Variants in SLC39A14 observed in about 807,000 individuals in gnomAD.
SLC39A14 encodes the protein solute carrier family 39 member 14.
In SLC39A14, 19 loss-of-function variants were observed where a neutral mutation model predicts 45.5. The ratio of observed to expected loss-of-function variants is 0.42; its 90% CI spans 0.29 to 0.61. The LOEUF (loss-of-function observed/expected upper bound fraction) is 0.61, where lower values mean the gene tolerates loss of function less well. Ranked by LOEUF, SLC39A14 falls within the 20% of genes least tolerant of loss-of-function variation. The pLI, the probability that SLC39A14 is intolerant of heterozygous loss-of-function variation, is 0.22. For synonymous variants in SLC39A14, 264 were observed against 251.3 expected, an observed-to-expected ratio of 1.05 and a Z score of -0.48; for missense variants, 447 against 616.5, an observed-to-expected ratio of 0.73 and a Z score of 2.91.
At chr8:22,403,230 C>T (rs377181580) in intron 1 of SLC39A14, among the ~76,000 whole-genome samples, 10 of 152,096 alleles carry the variant, frequency 6.6e-5, no homozygotes, top group African/African-American at 2.4e-4. Context: ...CCTGCCTTGG[C>T]CTCCCAAAGT....
chr8:22,430,628 C>G (rs1418791897), intron 8 of SLC39A14, among the ~76,000 whole-genome samples: 3 of 152,194 alleles, frequency 2.0e-5, no homozygotes, highest in African/African-American at 7.2e-5. Context: ...ATGCAAACAA[C>G]AACAGTCACA....
intron 3 of SLC39A14, among the ~76,000 whole-genome samples, chr8:22,409,280 G>A (rs528298306): frequency 1.3e-5 from 2 of 152,322 alleles, no homozygotes; most frequent in South Asian, 2.1e-4. Flanking sequence ...CCATAGGGCC[G>A]GCGTGTGCTG....
chr8:22,432,796 C>T (rs7831786), intron 8 of SLC39A14, among the ~76,000 whole-genome samples: 44,018 of 143,710 alleles, frequency 0.31, 7,302 homozygotes, highest in East Asian at 0.49. Context: ...TACAGGCACC[C>T]GCCACAACAC....
intron 1 of SLC39A14, among the ~76,000 whole-genome samples, chr8:22,391,581 T>C (rs112047234): frequency 0.03 from 4,561 of 152,030 alleles, 215 homozygotes; most frequent in African/African-American, 0.1. Context: ...TTTTTTTTTT[T>C]TCTTTTGAGA....
At chr8:22,406,503 C>T (rs1835221403) in intron 2 of SLC39A14, among the ~76,000 whole-genome samples, 1 of 152,080 alleles carries the variant, frequency 6.6e-6, no homozygotes, top group South Asian at 2.1e-4. Flanking sequence ...ACCATCCTGG[C>T]TAACACGGTG....
chr8:22,372,074 T>C (rs1832971064), intron 1 of SLC39A14, among the ~76,000 whole-genome samples: 1 of 152,148 alleles, frequency 6.6e-6, no homozygotes, highest in African/African-American at 2.4e-5. Context: ...CATGTATGTA[T>C]TTTTATTCAC....
intron 4 of SLC39A14, among the ~76,000 whole-genome samples, chr8:22,413,536 G>A (rs576552736): frequency 1.4e-4 from 22 of 152,118 alleles, no homozygotes; most frequent in Non-Finnish European, 2.6e-4. Context: ...CAACATGAAA[G>A]TGTTGTTTCC....
intron 1 of SLC39A14, among the ~76,000 whole-genome samples, chr8:22,386,731 C>T (rs940668796): frequency 6.6e-6 from 1 of 152,230 alleles, no homozygotes; most frequent in African/African-American, 2.4e-5. Flanking sequence ...AACATTTCCT[C>T]CATTCAAATT....
chr8:22,407,997 G>A (rs571138244), intron 2 of SLC39A14, among the ~76,000 whole-genome samples: 7 of 152,130 alleles, frequency 4.6e-5, no homozygotes, highest in Non-Finnish European at 7.4e-5. Flanking sequence ...GTTAGCCACC[G>A]TGCCCTGCCA....
At chr8:22,376,806 A>G (rs1006026660) in intron 1 of SLC39A14, among the ~76,000 whole-genome samples, 5 of 152,028 alleles carry the variant, frequency 3.3e-5, no homozygotes, top group African/African-American at 1.2e-4. Flanking sequence ...TGAACCTGGG[A>G]GGTGGAGGCT....
chr8:22,401,419 T>A (rs1353571551), intron 1 of SLC39A14, among the ~76,000 whole-genome samples: 1 of 152,146 alleles, frequency 6.6e-6, no homozygotes, highest in African/African-American at 2.4e-5. Flanking sequence ...TTTGTTTAGA[T>A]CACTAATTAA....
Position 22,396,600 on chromosome 8 carries a change from A to AGAGAGAC in SLC39A14, c.-15-8094_-15-8093insGAGACGA, listed in dbSNP as rs1563534591. 1.6e-4 allele frequency among the ~76,000 whole-genome samples: 4 copies of AGAGAGAC among 25,188 alleles called. 1 individual carries two copies. Among genetic ancestry groups the AGAGAGAC allele is most frequent in the African/African-American group, 3.3e-4 (4 of 12,110 alleles). The allele number at this position is 25,188 out of a possible 152,430, so 16.5% of individuals were successfully genotyped here. On this transcript the variant is annotated intron_variant, in intron 1 of 8. Coordinates refer to ENST00000381237, the MANE Select transcript of SLC39A14 (RefSeq NM_001128431.4). ...AGAGAGAGAGAGAGAGAGAGAGAGA[A>AGAGAGAC]GACTAAGTGGAATTTGGAATTGGAT...
rs529774335 is a variant in SLC39A14, at chr8:22,370,436, G to A, written c.-16+3028G>A. 2.0e-5 allele frequency among the ~76,000 whole-genome samples: 3 copies of A among 152,286 alleles called. No individual in the cohort carries two copies. The East Asian group carries it at 5.8e-4, about 29-fold the overall frequency. On this transcript the variant is annotated intron_variant, in intron 1 of 8. Transcript: ENST00000381237. ...GCCTGCCTGCACCTGACCTGGCCAA[G>A]GTAATGCTGCACCATGTTGCTGAGC...
At position 22,415,586 on chromosome 8, in the gene SLC39A14, G is replaced by C. The variant is rs748575573; in HGVS notation, c.751-183G>C. The C allele has an allele frequency of 5.3e-6, 3 of 570,930 alleles. No individual in the cohort carries two copies. In the South Asian group the frequency reaches 7.1e-5, roughly 14 times the overall value. The allele number at this position is 570,930 out of a possible 1,614,324, so 35.4% of individuals were successfully genotyped here. ...GCTGGGATTACAGGTGTGAGCCACC[G>C]TGCCCGACCATGGCTTTATATAATA... On this transcript the variant is annotated intron_variant, in intron 5 of 8. Coordinates refer to ENST00000381237, the MANE Select transcript of SLC39A14 (RefSeq NM_001128431.4).
At chr8:22,417,906 T>A (rs11997061) in intron 8 of SLC39A14, 71 bp downstream of exon 8, 42 of 1,343,282 alleles carry the variant, frequency 3.1e-5, no homozygotes, top group South Asian at 2.3e-4. Context: ...AGTTTTTTTT[T>A]ATTTTTATTT....
At chr8:22,413,661 G>A (rs1372618184) in intron 4 of SLC39A14, among the ~76,000 whole-genome samples, 1 of 152,174 alleles carries the variant, frequency 6.6e-6, no homozygotes, top group Non-Finnish European at 1.5e-5. Flanking sequence ...GAGGGCTGAA[G>A]TTTATTCAAG....
rs1368268092 is a variant in SLC39A14, at chr8:22,419,968, G to A, written c.*270G>A. 8.7e-7 allele frequency: 1 copy of A among 1,151,426 alleles called. No homozygotes were observed. The highest frequency in any genetic ancestry group is 1.6e-5 in the African/African-American group (1 of 63,000). 71.3% of individuals were successfully genotyped at this position (1,151,426 alleles called of 1,614,324 possible). A position where few individuals can be genotyped will look rare whatever the true frequency, so the allele number is the denominator to read the frequency against. On this transcript the variant is annotated 3_prime_UTR_variant, in exon 9 of 9. Transcript: ENST00000381237. ...TCTGGAACCTGAATGCAGCTTACAA[G>A]ACAAGCCTGACTTTTTTCTCTGATT...
At chr8:22,382,698 C>G (rs1308635927) in intron 1 of SLC39A14, among the ~76,000 whole-genome samples, 1 of 152,130 alleles carries the variant, frequency 6.6e-6, no homozygotes, top group South Asian at 2.1e-4. Context: ...ATAAATAAAA[C>G]TTACAACCTT....
At chr8:22,409,012 G>A (rs977575328) in intron 3 of SLC39A14, among the ~76,000 whole-genome samples, 2 of 152,118 alleles carry the variant, frequency 1.3e-5, no homozygotes, top group South Asian at 2.1e-4. Flanking sequence ...GTAGAGACAC[G>A]GTCTCACTAT....
Sources: gnomAD v4.1 joint callset for allele counts (sites outside exome capture counted in the v4.1 genomes callset) on GRCh38, gnomAD v4.1.1 for gene constraint, MANE v1.5 for transcripts, NCBI Gene and HGNC (gene_info 2026-07-23, HGNC 2026-07-21) for gene names.